The following MED12L variants were observed in gnomAD, a reference collection of about 807,000 sequenced individuals.
MED12L encodes mediator complex subunit 12L.
A neutral mutation model predicts 281.3 loss-of-function variants in MED12L; 60 were observed. That is an observed-to-expected ratio of 0.21 (90% CI 0.17 to 0.26). MED12L has a LOEUF of 0.26. MED12L is among the 10% of genes least tolerant of loss of function. The pLI, the probability that MED12L is intolerant of heterozygous loss-of-function variation, is 1.00. For missense variants in MED12L, 2,146 were observed against 2,680.9 expected (o/e 0.80, Z 4.41); for synonymous variants, 974 against 987.2 (o/e 0.99, Z 0.25).
At chr3:151,090,409 T>C (rs1251264651) in intron 2 of MED12L, among the ~76,000 whole-genome samples, 1 of 152,178 alleles carries the variant, frequency 6.6e-6, no homozygotes, top group Non-Finnish European at 1.5e-5. Context: ...TGATATATCA[T>C]TTACAATTAT....
At chr3:151,139,301 G>A (rs946419016) in intron 5 of MED12L, among the ~76,000 whole-genome samples, 4 of 152,124 alleles carry the variant, frequency 2.6e-5, no homozygotes. Context: ...TCTCCAAGGA[G>A]CCCTGGTTGT....
intron 16 of MED12L, among the ~76,000 whole-genome samples, chr3:151,252,026 C>G (rs1227145016): frequency 6.6e-6 from 1 of 152,136 alleles, no homozygotes; most frequent in Non-Finnish European, 1.5e-5. Context: ...TCTATTTAAC[C>G]TGTGTGTTTA....
chr3:151,435,062 C>CTTTTTT lies in MED12L; in HGVS notation c.*2273_*2278dup, dbSNP rs66791814. The CTTTTTT allele has an allele frequency of 2.2e-4, 26 of 119,034 alleles. No individual in the cohort carries two copies. Among genetic ancestry groups the CTTTTTT allele is most frequent in the African/African-American group, 4.6e-4 (15 of 32,462 alleles). 7.4% of individuals were successfully genotyped at this position (119,034 alleles called of 1,614,324 possible). ...GTTAATTCTGTATCTTGAGAGGTTT[C>CTTTTTT]TTTTTTTTTTTTTTTTTTTTCTTTT... On this transcript the variant is annotated 3_prime_UTR_variant, in exon 45 of 45. Transcript: ENST00000687756.
In MED12L at chr3:151,213,274, G is replaced by C. The variant is rs761607568; in HGVS notation, c.2250+19608G>C. 4 of 1,538,294 alleles carry C rather than the reference G, an allele frequency of 2.6e-6. No individual in the cohort carries two copies. The East Asian group carries it at 9.0e-5, about 35-fold the overall frequency. ...TTGAAGATGACAACATGCACACGTG[G>C]TCTTTCTTTGGAAGAGGGTAGGAAC... On this transcript the variant is annotated intron_variant, in intron 16 of 44. Transcript: ENST00000687756.
At chr3:151,249,456 G>T (rs975910055) in intron 16 of MED12L, among the ~76,000 whole-genome samples, 3 of 152,150 alleles carry the variant, frequency 2.0e-5, no homozygotes, top group Non-Finnish European at 4.4e-5. Flanking sequence ...AGCTGTTTAA[G>T]TAGGTGTTAA....
chr3:151,426,530 T>C (rs1038171656), intron 43 of MED12L, among the ~76,000 whole-genome samples: 5 of 152,154 alleles, frequency 3.3e-5, no homozygotes, highest in African/African-American at 4.8e-5. Context: ...GAAGCAGATG[T>C]GGTAAAACAC....
At chr3:151,171,929 A>G (rs1033784278) in intron 11 of MED12L, among the ~76,000 whole-genome samples, 2 of 152,242 alleles carry the variant, frequency 1.3e-5, no homozygotes, top group South Asian at 2.1e-4. Flanking sequence ...AGTACCATGC[A>G]TGGGGCCCAG....
chr3:151,256,166 A>T (rs1325909104), intron 16 of MED12L, among the ~76,000 whole-genome samples: 2 of 152,236 alleles, frequency 1.3e-5, no homozygotes, highest in Non-Finnish European at 2.9e-5. Context: ...CACTGTGGTT[A>T]TAGGAAGGCT....
intron 16 of MED12L, among the ~76,000 whole-genome samples, chr3:151,347,874 T>G (rs1156264035): frequency 6.6e-6 from 1 of 152,204 alleles, no homozygotes; most frequent in Non-Finnish European, 1.5e-5. Context: ...TTCGAGATCA[T>G]GGACTTGGCA....
At chr3:151,308,682 C>T (rs1747034700) in intron 16 of MED12L, among the ~76,000 whole-genome samples, 1 of 152,136 alleles carries the variant, frequency 6.6e-6, no homozygotes, top group South Asian at 2.1e-4. Flanking sequence ...AAGCATTCTA[C>T]TTAAGAGTTA....
At chr3:151,102,752 C>T (rs73155776) in intron 2 of MED12L, among the ~76,000 whole-genome samples, 10,208 of 152,238 alleles carry the variant, frequency 0.067, 475 homozygotes, top group Middle Eastern at 0.11. Flanking sequence ...GGGTTATAGA[C>T]GTGAAGCACT....
chr3:151,205,420 C>T (rs1274155306), intron 16 of MED12L, among the ~76,000 whole-genome samples: 1 of 152,228 alleles, frequency 6.6e-6, no homozygotes, highest in Non-Finnish European at 1.5e-5. Context: ...GGTCAACTCT[C>T]CTATCCATAC....
intron 26 of MED12L, among the ~76,000 whole-genome samples, chr3:151,371,293 A>G (rs1446693555): frequency 6.6e-6 from 1 of 152,178 alleles, no homozygotes; most frequent in Non-Finnish European, 1.5e-5. Context: ...TTTAATTTCT[A>G]CAATGTAACT....
Position 151,116,448 on chromosome 3 carries a change from G to C in MED12L, c.204+6G>C. 1 of 1,589,270 alleles carries C rather than the reference G, an allele frequency of 6.3e-7. No individual in the cohort carries two copies. On this transcript the variant is annotated splice_donor_region_variant and intron_variant, in intron 3 of 44. Transcript: ENST00000687756. ...TTGTAATTAACCCATCAAAGGTAAT[G>C]TTATTTGTTTGTTTCCTCAAACTCC...
chr3:151,346,927 A>T (rs1179020677), intron 16 of MED12L, among the ~76,000 whole-genome samples: 1 of 152,182 alleles, frequency 6.6e-6, no homozygotes, highest in Non-Finnish European at 1.5e-5. Context: ...TTAATTTTTT[A>T]TACATTGTAA....
chr3:151,413,130 C>G lies in MED12L; in HGVS notation c.6141-9C>G. The G allele has an allele frequency of 6.2e-7, 1 of 1,607,934 alleles. No homozygotes were observed. Among genetic ancestry groups the G allele is most frequent in the South Asian group, 1.1e-5 (1 of 90,872 alleles). ...TGGGCCTGAACCAAGTTGCATTATTCTTTGCCAGACTGAACCATCAGGCTC... is the reference window on the plus strand; with the variant it reads ...TGGGCCTGAACCAAGTTGCATTATTGTTTGCCAGACTGAACCATCAGGCTC... On this transcript the variant is annotated splice_polypyrimidine_tract_variant and intron_variant, in intron 41 of 44. Transcript: ENST00000687756.
chr3:151,179,580 G>T (rs1474506467), intron 11 of MED12L, among the ~76,000 whole-genome samples: 1 of 152,206 alleles, frequency 6.6e-6, no homozygotes. Flanking sequence ...CCAAGAAGGG[G>T]AAGGAGCAGT....
At chr3:151,395,985 A>G (rs188674591) in intron 39 of MED12L, among the ~76,000 whole-genome samples, 2 of 152,292 alleles carry the variant, frequency 1.3e-5, no homozygotes, top group Non-Finnish European at 2.9e-5. Flanking sequence ...AGAAGAAACC[A>G]ATTGAACTGT....
intron 16 of MED12L, chr3:151,316,695 A>T (rs2149801176): frequency 6.6e-6 from 1 of 152,314 alleles, no homozygotes; most frequent in South Asian, 2.1e-4. Context: ...TCGGCAGGGA[A>T]GTGGATTTTC....
Sources: allele counts gnomAD v4.1 joint callset (sites outside exome capture counted in the v4.1 genomes callset), GRCh38; gene constraint gnomAD v4.1.1; transcripts MANE v1.5; gene names NCBI Gene and HGNC (gene_info 2026-07-23, HGNC 2026-07-21).